The following YTHDC2 variants were observed in gnomAD, a reference collection of about 807,000 sequenced individuals.
YTHDC2 encodes YTH N6-methyladenosine RNA binding protein C2.
In YTHDC2, 45 loss-of-function variants were observed where a neutral mutation model predicts 174.9. The observed-to-expected ratio is 0.26, with a 90% CI of 0.20 to 0.33. The LOEUF is 0.33. Ranked by LOEUF, YTHDC2 falls within the 10% of genes least tolerant of loss-of-function variation. The probability of loss-of-function intolerance (pLI) is 1.00; values close to 1 mark genes in which losing one functional copy is unlikely to be tolerated. For missense variants in YTHDC2, 1,650 were observed against 1,723.7 expected (o/e 0.96, Z 0.76); for synonymous variants, 657 against 574.5 (o/e 1.14, Z -2.05).
At chr5:113,561,961 T>TGTGG (rs1281926912) in intron 18 of YTHDC2, among the ~76,000 whole-genome samples, 3 of 72,918 alleles carry the variant, frequency 4.1e-5, no homozygotes, top group Non-Finnish European at 9.1e-5. Flanking sequence ...ATTGTGGGTG[T>TGTGG]GTGTGTGTGT....
At chr5:113,557,550 T>C (rs1776694927) in intron 17 of YTHDC2, among the ~76,000 whole-genome samples, 1 of 152,120 alleles carries the variant, frequency 6.6e-6, no homozygotes, top group Admixed American at 6.5e-5. Context: ...TCCCAGCACT[T>C]TGGGAGCCTG....
chr5:113,514,776 A>T (rs1010517668), intron 1 of YTHDC2, among the ~76,000 whole-genome samples: 11 of 152,256 alleles, frequency 7.2e-5, no homozygotes, highest in Admixed American at 2.6e-4. Context: ...AGCCTCAGCA[A>T]TATATAACAA....
intron 17 of YTHDC2, among the ~76,000 whole-genome samples, chr5:113,560,834 T>C (rs1278489494): frequency 6.6e-6 from 1 of 152,232 alleles, no homozygotes; most frequent in Non-Finnish European, 1.5e-5. Context: ...TTTTGATTTT[T>C]ACCATAACCC....
At chr5:113,514,543 T>A (rs1035085885) in intron 1 of YTHDC2, among the ~76,000 whole-genome samples, 12 of 152,232 alleles carry the variant, frequency 7.9e-5, no homozygotes, top group Admixed American at 7.2e-4. Context: ...TAAACTTGTT[T>A]GGCACACGAA....
At chr5:113,527,629 A>G (rs1387481993) in intron 4 of YTHDC2, among the ~76,000 whole-genome samples, 1 of 152,210 alleles carries the variant, frequency 6.6e-6, no homozygotes, top group African/African-American at 2.4e-5. Flanking sequence ...TGGGAGGAGA[A>G]GTTGAGTATA....
At chr5:113,527,879 C>A (rs1322001591) in intron 4 of YTHDC2, among the ~76,000 whole-genome samples, 1 of 152,018 alleles carries the variant, frequency 6.6e-6, no homozygotes, top group South Asian at 2.1e-4. Context: ...ACCTCAGTGC[C>A]TCCCAGGTTC....
At chr5:113,533,840 G>A (rs896981206) in intron 5 of YTHDC2, among the ~76,000 whole-genome samples, 2 of 152,096 alleles carry the variant, frequency 1.3e-5, no homozygotes, top group African/African-American at 2.4e-5. Context: ...CTGGATTTAC[G>A]ATTTTCAGAT....
At chr5:113,559,466 T>A (rs1454702806) in intron 17 of YTHDC2, among the ~76,000 whole-genome samples, 1 of 152,180 alleles carries the variant, frequency 6.6e-6, no homozygotes, top group Non-Finnish European at 1.5e-5. Context: ...TACAAATGGA[T>A]AACTCATTTT....
At chr5:113,535,456 C>T (rs1210718509) in intron 6 of YTHDC2, among the ~76,000 whole-genome samples, 186 bp from the exon 7 acceptor site, 1 of 152,084 alleles carries the variant, frequency 6.6e-6, no homozygotes, top group African/African-American at 2.4e-5. Context: ...ACTTTGTCAT[C>T]TGCATTTCAT....
chr5:113,559,181 G>A (rs948184886), intron 17 of YTHDC2, among the ~76,000 whole-genome samples: 2 of 152,072 alleles, frequency 1.3e-5, no homozygotes, highest in African/African-American at 2.4e-5. Flanking sequence ...TGAAGGGTGG[G>A]TATAGTGTAG....
At chr5:113,541,974 C>G (rs1046350820) in intron 9 of YTHDC2, among the ~76,000 whole-genome samples, 1 of 152,060 alleles carries the variant, frequency 6.6e-6, no homozygotes, top group South Asian at 2.1e-4. Flanking sequence ...AGCACCCTAC[C>G]AACAAGAGAT....
chr5:113,564,874 C>A (rs570842815), intron 20 of YTHDC2, among the ~76,000 whole-genome samples: 2 of 152,230 alleles, frequency 1.3e-5, no homozygotes, highest in South Asian at 4.2e-4. Flanking sequence ...AGTGCAGTGG[C>A]ACAGTCTTGG....
chr5:113,553,078 A>G (rs1776358141), intron 12 of YTHDC2, 103 bp from the exon 13 acceptor site: 2 of 1,129,094 alleles, frequency 1.8e-6, no homozygotes, highest in East Asian at 5.5e-5. Context: ...ATTAAGTGTC[A>G]CTTACCTTAC....
intron 17 of YTHDC2, among the ~76,000 whole-genome samples, chr5:113,557,713 G>C (rs1289364230): frequency 1.3e-5 from 2 of 152,186 alleles, no homozygotes; most frequent in Non-Finnish European, 2.9e-5. Context: ...AGGATCATCT[G>C]ATCCTGGGAG....
intron 2 of YTHDC2, among the ~76,000 whole-genome samples, chr5:113,517,844 C>T (rs1031780231): frequency 6.6e-6 from 1 of 152,068 alleles, no homozygotes; most frequent in Non-Finnish European, 1.5e-5. Flanking sequence ...GAATTTGTAC[C>T]TGACTTATCC....
chr5:113,535,493 T>C, intron 6 of YTHDC2, 149 bp from the exon 7 acceptor site: 1 of 670,534 alleles, frequency 1.5e-6, no homozygotes, highest in Non-Finnish European at 2.3e-6. Flanking sequence ...TTTCTGAAAT[T>C]CCTGTAATAC....
chr5:113,577,941 A>C (rs1778164868), intron 23 of YTHDC2, among the ~76,000 whole-genome samples: 1 of 152,080 alleles, frequency 6.6e-6, no homozygotes, highest in South Asian at 2.1e-4. Flanking sequence ...TATTAAACTC[A>C]TTAATCCTTT....
chr5:113,553,319 C>A lies in YTHDC2; in HGVS notation c.1827C>A (p.Ile609=), dbSNP rs1429579336. 1.3e-5 allele frequency: 21 copies of A among 1,609,738 alleles called. No homozygotes were observed. The highest frequency in any genetic ancestry group is 1.5e-5 in the Non-Finnish European group (18 of 1,178,572). The part of the protein sequence containing the change: ...FDDEKVDLDL[I]MHLLYNICHS... ...ATGAAAAAGTAGACTTGGATTTGAT[C>A]ATGCATCTTCTATACAATATCTGCC... Residue 609 remains isoleucine (I), a synonymous_variant, in exon 13 of 30, where the codon ATC becomes ATA. Coordinates refer to ENST00000161863, the MANE Select transcript of YTHDC2 (RefSeq NM_022828.5).
intron 17 of YTHDC2, chr5:113,556,427 T>A (rs67723806): frequency 0.2 from 40,492 of 200,604 alleles, 4,632 homozygotes; most frequent in Admixed American, 0.35. Context: ...GCTAATTTCC[T>A]TATTATATAA....
Sources: allele counts gnomAD v4.1 joint callset (sites outside exome capture counted in the v4.1 genomes callset), GRCh38; gene constraint gnomAD v4.1.1; transcripts MANE v1.5; gene names NCBI Gene and HGNC (gene_info 2026-07-23, HGNC 2026-07-21).